RBFOX1: variants seen among roughly 807,000 people sequenced by gnomAD.
RBFOX1 encodes RNA binding fox-1 homolog 1.
RBFOX1 carries 8 observed loss-of-function variants against 57.7 expected under a neutral mutation model. The ratio of observed to expected loss-of-function variants is 0.14; its 90% CI spans 0.08 to 0.25. The LOEUF (loss-of-function observed/expected upper bound fraction) is 0.25, where lower values mean the gene tolerates loss of function less well. Among genes scored for constraint, RBFOX1 ranks in the 10% least tolerant of loss-of-function variants. The pLI is 1.00. For synonymous variants in RBFOX1, 326 were observed against 222.4 expected, an observed-to-expected ratio of 1.47 and a Z score of -4.15; for missense variants, 611 against 548.5, an observed-to-expected ratio of 1.11 and a Z score of -1.14.
intron 3 of RBFOX1, among the ~76,000 whole-genome samples, chr16:6,806,823 T>TAA (rs1236234265): frequency 0.12 from 10,137 of 81,190 alleles, 516 homozygotes; most frequent in African/African-American, 0.17. Context: ...TATAAATATA[T>TAA]ATATATATAT....
chr16:6,314,104 C>T (rs908378429), intron 1 of RBFOX1, among the ~76,000 whole-genome samples: 1 of 152,114 alleles, frequency 6.6e-6, no homozygotes, highest in Non-Finnish European at 1.5e-5. Flanking sequence ...ATGTTATTAC[C>T]TGGGTACCAA....
At chr16:6,711,544 G>C (rs1395625669) in intron 3 of RBFOX1, among the ~76,000 whole-genome samples, 3 of 152,180 alleles carry the variant, frequency 2.0e-5, no homozygotes, top group Admixed American at 1.3e-4. Flanking sequence ...GTTTAAAAGT[G>C]TTTGGCAGTT....
At chr16:7,427,612 CTTTTTCTTCTTCTTTTT>C (rs920276320) in intron 4 of RBFOX1, among the ~76,000 whole-genome samples, 1 of 151,646 alleles carries the variant, frequency 6.6e-6, no homozygotes, top group African/African-American at 2.4e-5. Flanking sequence ...CTTTTCTTTT[CTTTTTCTTCTTCTTTTT>C]ATTTTTTTTT....
chr16:6,057,702 T>C lies in RBFOX1; in HGVS notation c.-127+37710T>C, dbSNP rs116831980. 2.1e-3 allele frequency among the ~76,000 whole-genome samples: 318 copies of C among 152,216 alleles called. 2 individuals are homozygous for C. The highest frequency in any genetic ancestry group is 7.5e-3 in the African/African-American group (310 of 41,538). ...TGAGAGTTTAGAATGCTTGAAGATG[T>C]TGGTGTCCTTGGAGTGCAAGGATTA... On this transcript the variant is annotated intron_variant, in intron 1 of 15. Coordinates refer to ENST00000550418, the MANE Select transcript of RBFOX1 (RefSeq NM_018723.4).
At chr16:5,249,505 T>G (rs1214856648) in intron 1 of RBFOX1, among the ~76,000 whole-genome samples, 2 of 152,252 alleles carry the variant, frequency 1.3e-5, no homozygotes, top group Admixed American at 6.5e-5. Flanking sequence ...CTTTTCTGAC[T>G]CTGTTCTATG....
At chr16:6,342,558 A>G (rs2084726618) in intron 2 of RBFOX1, among the ~76,000 whole-genome samples, 1 of 152,128 alleles carries the variant, frequency 6.6e-6, no homozygotes, top group Non-Finnish European at 1.5e-5. Context: ...CATTGAGGGT[A>G]GAAGAAGTAA....
At chr16:7,450,302 G>T (rs1336483664) in intron 4 of RBFOX1, among the ~76,000 whole-genome samples, 1 of 146,992 alleles carries the variant, frequency 6.8e-6, no homozygotes, top group African/African-American at 2.5e-5. Context: ...GCTGAGGCAG[G>T]AGAATTGCCT....
chr16:5,550,558 T>C (rs1389856340), intron 2 of RBFOX1, among the ~76,000 whole-genome samples: 4 of 152,288 alleles, frequency 2.6e-5, no homozygotes, highest in African/African-American at 9.6e-5. Flanking sequence ...TTCAGACCTG[T>C]CACATTAAAA....
intron 3 of RBFOX1, among the ~76,000 whole-genome samples, chr16:6,953,693 G>A (rs981125649): frequency 9.9e-5 from 15 of 152,006 alleles, no homozygotes; most frequent in African/African-American, 3.6e-4. Flanking sequence ...AGCCTCACAC[G>A]CACACGATAT....
chr16:6,562,625 C>A (rs117021361), intron 2 of RBFOX1, among the ~76,000 whole-genome samples: 2 of 152,150 alleles, frequency 1.3e-5, no homozygotes, highest in Non-Finnish European at 2.9e-5. Flanking sequence ...CTTGCATGTA[C>A]TAATAAATAC....
chr16:6,918,263 C>T (rs1386985418), intron 3 of RBFOX1, among the ~76,000 whole-genome samples: 1 of 144,330 alleles, frequency 6.9e-6, no homozygotes, highest in East Asian at 2.0e-4. Flanking sequence ...GCCTGGGTGA[C>T]AGAGCAAGAC....
chr16:5,671,194 T>G (rs1435952538), intron 3 of RBFOX1, among the ~76,000 whole-genome samples: 2 of 152,234 alleles, frequency 1.3e-5, no homozygotes, highest in Non-Finnish European at 1.5e-5. Flanking sequence ...GCTAGGAGGT[T>G]TTCTTTGAAA....
At chr16:5,411,224 C>T (rs190537565) in intron 1 of RBFOX1, among the ~76,000 whole-genome samples, 14 of 152,268 alleles carry the variant, frequency 9.2e-5, no homozygotes, top group Admixed American at 3.9e-4. Flanking sequence ...CCTTGCATGG[C>T]GAAAGGGACT....
At chr16:6,395,147 C>G (rs770482235) in intron 2 of RBFOX1, among the ~76,000 whole-genome samples, 12 of 152,192 alleles carry the variant, frequency 7.9e-5, no homozygotes, top group Admixed American at 2.0e-4. Flanking sequence ...TGACATTCAG[C>G]TGGCATGTGG....
At chr16:6,564,429 C>A (rs1184010437) in intron 2 of RBFOX1, among the ~76,000 whole-genome samples, 2 of 152,038 alleles carry the variant, frequency 1.3e-5, no homozygotes, top group Admixed American at 1.3e-4. Flanking sequence ...CACTACACTC[C>A]AGCCTGGGCA....
chr16:6,773,020 T>TG (rs2078632464), intron 3 of RBFOX1, among the ~76,000 whole-genome samples: 2 of 64,248 alleles, frequency 3.1e-5, no homozygotes, highest in African/African-American at 9.2e-5. Context: ...GTGTGTGTGA[T>TG]TGTATTTGTG....
rs569393492 is a variant in RBFOX1, at chr16:7,520,127, TGCCTGTCTCG to T, written c.270+1743_270+1752del. Among the ~76,000 whole-genome samples the T allele has an allele frequency of 8.2e-3, 1,245 of 152,266 alleles. 17 individuals carry two copies. Among genetic ancestry groups the T allele is most frequent in the Non-Finnish European group, 0.012 (801 of 68,014 alleles). On this transcript the variant is annotated intron_variant, in intron 5 of 15. Coordinates refer to ENST00000550418, the MANE Select transcript of RBFOX1 (RefSeq NM_018723.4). ...ATCTCAATCTCCTGACCTCGCGATC[TGCCTGTCTCG>T]GCCTCCCAAAGTGCTGGGATTACAG...
intron 2 of RBFOX1, among the ~76,000 whole-genome samples, chr16:5,527,377 G>A (rs139808446): frequency 1.3e-5 from 2 of 152,212 alleles, no homozygotes; most frequent in Non-Finnish European, 2.9e-5. Context: ...CCTCCATGCT[G>A]TTTCTCTTCC....
At chr16:7,013,876 T>C (rs1350951910) in intron 3 of RBFOX1, among the ~76,000 whole-genome samples, 1 of 152,198 alleles carries the variant, frequency 6.6e-6, no homozygotes, top group Admixed American at 6.5e-5. Flanking sequence ...CAGGTCATTC[T>C]TGAGCTCTTG....
Sources: gnomAD v4.1 joint callset for allele counts (sites outside exome capture counted in the v4.1 genomes callset) on GRCh38, gnomAD v4.1.1 for gene constraint, MANE v1.5 for transcripts, NCBI Gene and HGNC (gene_info 2026-07-23, HGNC 2026-07-21) for gene names.